Variants in PHC3 observed in about 807,000 individuals in gnomAD.
PHC3 encodes the protein polyhomeotic homolog 3.
In PHC3, 13 loss-of-function variants were observed where a neutral mutation model predicts 107.4. The ratio of observed to expected loss-of-function variants is 0.12; its 90% CI spans 0.08 to 0.19. PHC3 has a LOEUF of 0.19. Among genes scored for constraint, PHC3 ranks in the 10% least tolerant of loss-of-function variants. The probability of loss-of-function intolerance (pLI) is 1.00; values close to 1 mark genes in which losing one functional copy is unlikely to be tolerated. For missense variants in PHC3, 992 were observed against 1,210.9 expected (o/e 0.82, Z 2.68); for synonymous variants, 456 against 427.4 (o/e 1.07, Z -0.83).
At chr3:170,103,273 C>T (rs1331285939) in intron 12 of PHC3, among the ~76,000 whole-genome samples, 4 of 151,854 alleles carry the variant, frequency 2.6e-5, no homozygotes, top group African/African-American at 7.3e-5. Flanking sequence ...TGGAAGGTTC[C>T]GAAAGAAAAA....
rs759274339 is a variant in PHC3, at chr3:170,128,768, C to G, written c.1704G>C (p.Gln568His). Residue 568 changes from glutamine to histidine, a missense_variant, in exon 8 of 15, where the codon CAG (glutamine) becomes CAC (histidine). This residue lies in a region of PHC3 where 543 missense variants were observed against 590.8 expected (regional missense o/e 0.92). Coordinates refer to ENST00000495893, the MANE Select transcript of PHC3 (RefSeq NM_024947.4). ...EELPAAEALV[Q>H]LPFQTLPPPQ... is the part of the protein sequence containing the mutation. ...GAGGAGGAAGAGTCTGAAATGGCAA[C>G]TGGACCAAAGCTTCTGCAGCTGGAA... is the stretch of plus-strand genomic sequence containing the variant. The G allele has an allele frequency of 3.7e-6, 6 of 1,613,894 alleles. No homozygotes were observed. In the South Asian group the frequency reaches 4.4e-5, roughly 12 times the overall value.
chr3:170,159,742 T>C (rs1019872059), intron 4 of PHC3, among the ~76,000 whole-genome samples: 1 of 151,942 alleles, frequency 6.6e-6, no homozygotes, highest in Non-Finnish European at 1.5e-5. Flanking sequence ...AATAAAAAAC[T>C]AAAGCAAACA....
At chr3:170,130,606 T>C (rs1282089908) in intron 7 of PHC3, among the ~76,000 whole-genome samples, 1 of 152,104 alleles carries the variant, frequency 6.6e-6, no homozygotes, top group Non-Finnish European at 1.5e-5. Flanking sequence ...TAAGGGATTT[T>C]GTTAACCCTT....
chr3:170,108,521 A>G (rs748253536), intron 11 of PHC3, among the ~76,000 whole-genome samples: 2 of 152,210 alleles, frequency 1.3e-5, no homozygotes, highest in Non-Finnish European at 2.9e-5. Context: ...CTTCATAAGC[A>G]AAAGTCATCA....
intron 12 of PHC3, among the ~76,000 whole-genome samples, chr3:170,105,693 G>A (rs560911374): frequency 6.6e-6 from 1 of 152,236 alleles, no homozygotes; most frequent in African/African-American, 2.4e-5. Context: ...TTGAAATACA[G>A]TACAAGCTAT....
rs78271375 is a variant in PHC3 at position 170,100,267 on chromosome 3, T to G, written c.2833+2212A>C. 8.2e-3 allele frequency among the ~76,000 whole-genome samples: 1,242 copies of G among 151,968 alleles called. 18 individuals are homozygous for G. The highest frequency in any genetic ancestry group is 0.028 in the African/African-American group (1,176 of 41,436). On this transcript the variant is annotated intron_variant, in intron 14 of 14. Transcript: ENST00000495893. ...TCATCCTATGAGAAAAGCTTGGGAGTAGACTACTCAGGGAAAACAAACAGC... is the reference window on the plus strand; with the variant it reads ...TCATCCTATGAGAAAAGCTTGGGAGGAGACTACTCAGGGAAAACAAACAGC...
At position 170,113,417 on chromosome 3, in the gene PHC3, T is replaced by C; in HGVS notation, c.2296A>G (p.Asn766Asp). The C allele has an allele frequency of 6.2e-7, 1 of 1,613,290 alleles. No homozygotes were observed. The change falls in exon 11 of 15, where the codon AAT becomes GAT. Residue 766 changes from asparagine (N) to aspartate (D), a missense_variant. Physicochemically the swap from Asn to Asp is conservative, Grantham distance 23. Around this residue, in one of 6 missense-constraint regions of PHC3, gnomAD observed 228 missense variants for 288.8 expected, o/e 0.79. Transcript: ENST00000495893. ...SVCVQPELQN[N>D]TKHADNSSDT... The stretch of plus-strand genomic sequence containing the variant: ...GATGAATTATCCGCATGTTTTGTAT[T>C]ATTCTGTAGCTCTGGCTGAACACAC...
At position 170,146,775 on chromosome 3, in the gene PHC3, C is replaced by T. The variant is rs371712626; in HGVS notation, c.574-1254G>A. Among the ~76,000 whole-genome samples, 105 of 151,704 alleles carry T rather than the reference C, an allele frequency of 6.9e-4. 1 individual carries two copies. Among genetic ancestry groups the T allele is most frequent in the African/African-American group, 2.4e-3 (100 of 41,424 alleles). ...CTCGAACTCCTGACCTCAAGTGATC[C>T]GCCCACCTCAGCCTCCCAAAGTGCT... On this transcript the variant is annotated intron_variant, in intron 5 of 14. Transcript: ENST00000495893.
intron 4 of PHC3, among the ~76,000 whole-genome samples, chr3:170,165,774 AAAAAG>A (rs1398749168): frequency 6.7e-6 from 1 of 149,410 alleles, no homozygotes; most frequent in Admixed American, 6.7e-5. Flanking sequence ...AAAAAAAAAA[AAAAAG>A]AATTATATGA....
rs999419726 is a variant in PHC3, at chr3:170,095,691, T to A, written c.*1539A>T. ...CTAAAATATCTCAATTGTGGTAATA[T>A]AAGAAAAGATGAAAACAAAACATTC... is the stretch of plus-strand genomic sequence containing the variant. On this transcript the variant is annotated 3_prime_UTR_variant, in exon 15 of 15. Coordinates refer to ENST00000495893, the MANE Select transcript of PHC3 (RefSeq NM_024947.4). 2.0e-5 allele frequency: 3 copies of A among 152,168 alleles called. No individual in the cohort carries two copies. The highest frequency in any genetic ancestry group is 7.2e-5 in the African/African-American group (3 of 41,452). The allele number at this position is 152,168 out of a possible 1,614,324, so 9.4% of individuals were successfully genotyped here.
Position 170,136,763 on chromosome 3 carries a change from T to C in PHC3, c.673-98A>G, listed in dbSNP as rs1723143653. ...GACAATACTGACAACACATTTATATTATGCTTTTCATACGTAAAGCTCCAA... is the reference window on the plus strand; with the variant it reads ...GACAATACTGACAACACATTTATATCATGCTTTTCATACGTAAAGCTCCAA... On this transcript the variant is annotated intron_variant, in intron 6 of 14. Transcript: ENST00000495893. 3 of 1,285,064 alleles carry C rather than the reference T, an allele frequency of 2.3e-6. No individual in the cohort carries two copies. In the Admixed American group the frequency reaches 7.6e-5, roughly 33 times the overall value. 79.6% of individuals were successfully genotyped at this position (1,285,064 alleles called of 1,614,324 possible). A position where few individuals can be genotyped will look rare whatever the true frequency, so the allele number is the denominator to read the frequency against.
intron 9 of PHC3, among the ~76,000 whole-genome samples, chr3:170,119,051 AAAAAG>A: frequency 6.6e-6 from 1 of 151,364 alleles, no homozygotes; most frequent in South Asian, 2.1e-4. Flanking sequence ...AAAAAAAAAA[AAAAAG>A]AAAAAGAAAA....
At chr3:170,149,485 G>A (rs1445530720) in intron 4 of PHC3, among the ~76,000 whole-genome samples, 5 of 151,268 alleles carry the variant, frequency 3.3e-5, no homozygotes, top group Admixed American at 2.0e-4. Context: ...TGGGAGTTTC[G>A]CTCTTGTTGC....
At position 170,129,120 on chromosome 3, in the gene PHC3, G is replaced by A. The variant is rs1313170577; in HGVS notation, c.1352C>T (p.Ser451Phe). The A allele has an allele frequency of 6.2e-7, 1 of 1,613,354 alleles. No homozygotes were observed. Among genetic ancestry groups the A allele is most frequent in the Admixed American group, 1.7e-5 (1 of 59,860 alleles). ...ALQPGPNLQQSTANQVQATAQ... is the reference protein window; with the variant it reads ...ALQPGPNLQQFTANQVQATAQ... Reference sequence around the variant, plus strand: ...TGTAGCTTGCACCTGATTAGCAGTGGACTGCTGCAAATTTGGCCCTGGCTG... The same window carrying A: ...TGTAGCTTGCACCTGATTAGCAGTGAACTGCTGCAAATTTGGCCCTGGCTG... Residue 451 changes from serine to phenylalanine, a missense_variant, in exon 8 of 15, where the codon TCC (serine) becomes TTC (phenylalanine). This residue lies in a region of PHC3 where 543 missense variants were observed against 590.8 expected (regional missense o/e 0.92). Coordinates refer to ENST00000495893, the MANE Select transcript of PHC3 (RefSeq NM_024947.4).
At chr3:170,146,904 CAG>C (rs1170247127) in intron 5 of PHC3, among the ~76,000 whole-genome samples, 16 of 105,352 alleles carry the variant, frequency 1.5e-4, no homozygotes, top group Non-Finnish European at 2.2e-4. Context: ...TTTTTTGAGA[CAG>C]AGTTTCACTC....
rs376075784 is a variant in PHC3, at chr3:170,154,423, A to G, written c.415-5179T>C. On this transcript the variant is annotated intron_variant, in intron 4 of 14. Coordinates refer to ENST00000495893, the MANE Select transcript of PHC3 (RefSeq NM_024947.4). The stretch of plus-strand genomic sequence containing the variant: ...GGTTACTCTGCAGTAATAATGCCTT[A>G]GAACTTTTTTTTCAGTTGGTGATTC... Among the ~76,000 whole-genome samples the G allele has an allele frequency of 9.2e-5, 14 of 152,318 alleles. No homozygotes were observed. In the East Asian group the frequency reaches 2.5e-3, roughly 27 times the overall value.
At position 170,136,404 on chromosome 3, in the gene PHC3, A is replaced by G. The variant is rs1723082897; in HGVS notation, c.919+15T>C. On this transcript the variant is annotated intron_variant, in intron 7 of 14. Transcript: ENST00000495893. ...ATGAATAATACAACTATTTTCAACA[A>G]AAGTTTTATCCCACCTGGTGCTATT... The G allele has an allele frequency of 1.9e-6, 3 of 1,611,884 alleles. No homozygotes were observed. Among genetic ancestry groups the G allele is most frequent in the Non-Finnish European group, 2.5e-6 (3 of 1,179,304 alleles).
At chr3:170,177,921 T>A (rs894196237) in intron 2 of PHC3, among the ~76,000 whole-genome samples, 1 of 152,106 alleles carries the variant, frequency 6.6e-6, no homozygotes, top group African/African-American at 2.4e-5. Flanking sequence ...TCTCCCTGCC[T>A]TGGTCTCCCA....
intron 9 of PHC3, 96 bp downstream of exon 9, chr3:170,122,495 A>G: frequency 7.5e-7 from 1 of 1,327,928 alleles, no homozygotes; most frequent in Non-Finnish European, 1.1e-6. Context: ...TCCAGCTACA[A>G]AAAGGGTGAA....
Sources: allele counts gnomAD v4.1 joint callset (sites outside exome capture counted in the v4.1 genomes callset), GRCh38; gene constraint gnomAD v4.1.1; regional missense constraint gnomAD v4.1.1; transcripts MANE v1.5; gene names NCBI Gene and HGNC (gene_info 2026-07-23, HGNC 2026-07-21).